Variants in LRBA observed in about 807,000 individuals in gnomAD.
LRBA encodes lipopolysaccharide-responsive and beige-like anchor protein.
In LRBA, 176 loss-of-function variants were observed where a neutral mutation model predicts 330.0. That is an observed-to-expected ratio of 0.53 (90% CI 0.47 to 0.60). The LOEUF (loss-of-function observed/expected upper bound fraction) is 0.60, where lower values mean the gene tolerates loss of function less well. LRBA is among the 20% of genes least tolerant of loss of function. LRBA has a pLI of 0.00. For synonymous variants in LRBA, 1,230 were observed against 1,193.0 expected, an observed-to-expected ratio of 1.03 and a Z score of -0.64; for missense variants, 3,259 against 3,444.8, an observed-to-expected ratio of 0.95 and a Z score of 1.35.
chr4:150,837,003 C>A (rs1246763122), intron 28 of LRBA, among the ~76,000 whole-genome samples: 3 of 152,078 alleles, frequency 2.0e-5, no homozygotes, highest in Non-Finnish European at 2.9e-5. Flanking sequence ...TGTCTTTGTT[C>A]TCATTGGTTT....
chr4:150,655,474 T>C (rs1191875318), intron 37 of LRBA, among the ~76,000 whole-genome samples: 2 of 152,176 alleles, frequency 1.3e-5, no homozygotes, highest in Non-Finnish European at 2.9e-5. Flanking sequence ...TTCCTAGAAC[T>C]GGGGTTGCTG....
At chr4:150,965,241 G>C (rs963982195) in intron 2 of LRBA, among the ~76,000 whole-genome samples, 12 of 152,100 alleles carry the variant, frequency 7.9e-5, no homozygotes, top group Admixed American at 5.9e-4. Context: ...CCAGTAAACA[G>C]GGGTCAAGAC....
At chr4:150,397,874 CAAT>C (rs571347037) in intron 47 of LRBA, among the ~76,000 whole-genome samples, 27 of 152,264 alleles carry the variant, frequency 1.8e-4, no homozygotes, top group African/African-American at 6.0e-4. Flanking sequence ...TGGCTTACAA[CAAT>C]GTCTGGTGCA....
At chr4:150,269,003 C>A (rs945255319) in intron 56 of LRBA, among the ~76,000 whole-genome samples, 2 of 28,656 alleles carry the variant, frequency 7.0e-5, no homozygotes, top group African/African-American at 1.3e-4. Flanking sequence ...CACACCAAAA[C>A]AAAACAAAAG....
intron 22 of LRBA, among the ~76,000 whole-genome samples, chr4:150,864,010 C>T (rs560896934): frequency 6.6e-6 from 1 of 152,094 alleles, no homozygotes; most frequent in East Asian, 1.9e-4. Context: ...ACGATCTCGG[C>T]TCACTGCAAC....
At chr4:150,737,104 G>A (rs951973851) in intron 35 of LRBA, among the ~76,000 whole-genome samples, 1 of 152,066 alleles carries the variant, frequency 6.6e-6, no homozygotes. Flanking sequence ...TATGGTCCCA[G>A]CTACTCAGGA....
intron 37 of LRBA, among the ~76,000 whole-genome samples, chr4:150,670,157 T>G (rs907578994): frequency 3.3e-5 from 5 of 152,222 alleles, no homozygotes; most frequent in Non-Finnish European, 7.3e-5. Context: ...AGTTTCAGTA[T>G]TCACTGATTA....
At chr4:150,746,889 T>C (rs543893168) in intron 35 of LRBA, among the ~76,000 whole-genome samples, 4 of 152,284 alleles carry the variant, frequency 2.6e-5, no homozygotes, top group Non-Finnish European at 5.9e-5. Context: ...TCTTTGATTA[T>C]GATAATAGCC....
At chr4:150,423,064 C>A (rs1749042449) in intron 46 of LRBA, 3 of 796,958 alleles carry the variant, frequency 3.8e-6, no homozygotes, top group Non-Finnish European at 6.9e-6. Context: ...CAGGATGTCA[C>A]AGGTGGGTGT....
intron 34 of LRBA, among the ~76,000 whole-genome samples, chr4:150,797,203 AAAAC>A (rs557450553): frequency 6.6e-6 from 1 of 152,084 alleles, no homozygotes; most frequent in African/African-American, 2.4e-5. Flanking sequence ...TATAGGCACT[AAAAC>A]AAATAAATCG....
chr4:150,954,983 A>G (rs558571927), intron 2 of LRBA, among the ~76,000 whole-genome samples: 2 of 149,108 alleles, frequency 1.3e-5, no homozygotes, highest in Non-Finnish European at 2.9e-5. Context: ...ATAAGTGAAG[A>G]AAAAAAATTA....
intron 47 of LRBA, among the ~76,000 whole-genome samples, chr4:150,402,999 A>G (rs1745707315): frequency 6.6e-6 from 1 of 152,152 alleles, no homozygotes; most frequent in South Asian, 2.1e-4. Flanking sequence ...TTTGCTAAGA[A>G]ATTTTCGTTT....
chr4:150,396,030 T>C (rs1169444050), intron 47 of LRBA, among the ~76,000 whole-genome samples: 1 of 152,164 alleles, frequency 6.6e-6, no homozygotes, highest in African/African-American at 2.4e-5. Flanking sequence ...AGATAGCTGG[T>C]AAGACATTAT....
At chr4:150,681,083 G>T (rs1031596324) in intron 37 of LRBA, among the ~76,000 whole-genome samples, 2 of 152,166 alleles carry the variant, frequency 1.3e-5, no homozygotes, top group Non-Finnish European at 2.9e-5. Context: ...AAAATGCAAA[G>T]AAATTATACT....
intron 55 of LRBA, among the ~76,000 whole-genome samples, chr4:150,281,078 G>A (rs1042397392): frequency 1.3e-5 from 2 of 152,216 alleles, no homozygotes; most frequent in Non-Finnish European, 2.9e-5. Context: ...GAACTTCCCA[G>A]AGCCCCTGGT....
At position 150,828,439 on chromosome 4, in the gene LRBA, T is replaced by C. The variant is rs1746607354; in HGVS notation, c.4912A>G (p.Ser1638Gly). The C allele has an allele frequency of 6.2e-7, 1 of 1,614,066 alleles. No individual in the cohort carries two copies. The highest frequency in any genetic ancestry group is 8.5e-7 in the Non-Finnish European group (1 of 1,180,028). The change falls in exon 30 of 57, where the codon AGC becomes GGC. Residue 1638 changes from serine (S) to glycine (G), a missense_variant. Coordinates refer to ENST00000651943, the MANE Select transcript of LRBA (RefSeq NM_001364905.1). ...PGVSAGPDAI[S>G]EVLSTLSLEV... Reference sequence around the variant, plus strand: ...AAAGAAAGAGTAGATAGCACCTCGCTGATTGCATCTGGGCCTGCACTGACA... The same window carrying C: ...AAAGAAAGAGTAGATAGCACCTCGCCGATTGCATCTGGGCCTGCACTGACA...
At chr4:150,324,447 G>A (rs1021464406) in intron 49 of LRBA, among the ~76,000 whole-genome samples, 1 of 152,034 alleles carries the variant, frequency 6.6e-6, no homozygotes, top group African/African-American at 2.4e-5. Context: ...AAACATGTAG[G>A]GGAAAGAGTG....
rs1030048061 is a variant in LRBA, at chr4:150,851,968, T to C, written c.3742A>G (p.Asn1248Asp). The C allele has an allele frequency of 3.7e-6, 6 of 1,614,062 alleles. No homozygotes were observed. Among genetic ancestry groups the C allele is most frequent in the Admixed American group, 3.3e-5 (2 of 60,010 alleles). ...EQKIAKLDVS[N>D]VATDTERLEL... Reference sequence around the variant, plus strand: ...AGCCTCTCAGTATCTGTAGCAACATTGGAAACATCCAACTTCGCAATCTTT... The same window carrying C: ...AGCCTCTCAGTATCTGTAGCAACATCGGAAACATCCAACTTCGCAATCTTT... The change falls in exon 23 of 57, where the codon AAT becomes GAT. Residue 1248 changes from asparagine to aspartate, a missense_variant. By Grantham distance (23) the Asn-to-Asp change is conservative. Transcript: ENST00000651943.
chr4:150,962,867 T>C (rs1218656811), intron 2 of LRBA, among the ~76,000 whole-genome samples: 1 of 147,140 alleles, frequency 6.8e-6, no homozygotes, highest in Non-Finnish European at 1.5e-5. Flanking sequence ...GGCAGAAGAA[T>C]TGCTTGAACC....
Sources: gnomAD v4.1 joint callset for allele counts (sites outside exome capture counted in the v4.1 genomes callset) on GRCh38, gnomAD v4.1.1 for gene constraint, MANE v1.5 for transcripts, NCBI Gene and HGNC (gene_info 2026-07-23, HGNC 2026-07-21) for gene names.